PLCE1: variants seen among roughly 807,000 people sequenced by gnomAD.
PLCE1 encodes the protein 1-phosphatidylinositol 4,5-bisphosphate phosphodiesterase epsilon-1.
In PLCE1, 119 loss-of-function variants were observed where a neutral mutation model predicts 242.8. That is an observed-to-expected ratio of 0.49 (90% CI 0.42 to 0.57). PLCE1 has a LOEUF of 0.57. PLCE1 is among the 20% of genes least tolerant of loss of function. The pLI, the probability that PLCE1 is intolerant of heterozygous loss-of-function variation, is 0.00. For missense variants in PLCE1, 2,441 were observed against 2,788.8 expected, an observed-to-expected ratio of 0.88 and a Z score of 2.81; for synonymous variants, 945 against 1,017.4, an observed-to-expected ratio of 0.93 and a Z score of 1.35.
At chr10:94,133,943 C>A (rs1419730155) in intron 3 of PLCE1, among the ~76,000 whole-genome samples, 1 of 152,108 alleles carries the variant, frequency 6.6e-6, no homozygotes, top group African/African-American at 2.4e-5. Flanking sequence ...GAGTACCAAG[C>A]CTGCATTCTT....
chr10:94,181,993 A>C (rs1225431815), intron 4 of PLCE1, among the ~76,000 whole-genome samples: 4 of 152,216 alleles, frequency 2.6e-5, no homozygotes, highest in Non-Finnish European at 5.9e-5. Flanking sequence ...CCAATAGTTG[A>C]GAATCACTGC....
intron 8 of PLCE1, 138 bp downstream of exon 8, chr10:94,246,759 T>C: frequency 1.4e-6 from 1 of 710,434 alleles, no homozygotes. Flanking sequence ...TTACTTAACC[T>C]CTTGGTACCC....
rs1467074093 is a variant in PLCE1 at position 94,266,528 on chromosome 10, G to T, written c.4281+570G>T. Reference sequence around the variant, plus strand: ...GAAACTCAGTAGGTTCTCTAGACTAGAAAAAGTACATCCTTTTGACCTAAA... The same window carrying T: ...GAAACTCAGTAGGTTCTCTAGACTATAAAAAGTACATCCTTTTGACCTAAA... On this transcript the variant is annotated intron_variant, in intron 16 of 32. Coordinates refer to ENST00000371380, the MANE Select transcript of PLCE1 (RefSeq NM_016341.4). Among the ~76,000 whole-genome samples the T allele has an allele frequency of 2.0e-5, 3 of 152,182 alleles. No individual in the cohort carries two copies. In the South Asian group the frequency reaches 6.2e-4, roughly 32 times the overall value.
chr10:94,002,893 C>CT (rs2060958907), intron 1 of PLCE1, among the ~76,000 whole-genome samples: 1 of 152,160 alleles, frequency 6.6e-6, no homozygotes, highest in Non-Finnish European at 1.5e-5. Flanking sequence ...AGATTGTCAA[C>CT]TTTAACAAAT....
chr10:94,317,596 G>A (rs1400005098), intron 29 of PLCE1, among the ~76,000 whole-genome samples: 1 of 152,034 alleles, frequency 6.6e-6, no homozygotes, highest in Non-Finnish European at 1.5e-5. Context: ...ATAATATCTT[G>A]GCCTGAGTCA....
At position 94,141,374 on chromosome 10, in the gene PLCE1, A is replaced by T. The variant is rs74151065; in HGVS notation, c.1492+8915A>T. Among the ~76,000 whole-genome samples the T allele has an allele frequency of 3.9e-3, 596 of 152,258 alleles. 5 individuals are homozygous for T. Among genetic ancestry groups the T allele is most frequent in the African/African-American group, 0.014 (573 of 41,538 alleles). On this transcript the variant is annotated intron_variant, in intron 3 of 32. Transcript: ENST00000371380. ...CCATTTAATTCTCTTATGTGCCCTAATTTTGCTCCAAGAAACTAGCTTATG... is the reference window on the plus strand; with the variant it reads ...CCATTTAATTCTCTTATGTGCCCTATTTTTGCTCCAAGAAACTAGCTTATG...
At position 94,273,601 on chromosome 10, in the gene PLCE1, G is replaced by C; in HGVS notation, c.4546G>C (p.Glu1516Gln). Residue 1516 changes from glutamate to glutamine, a missense_variant, in exon 19 of 33, where the codon GAG (glutamate) becomes CAG (glutamine). This residue lies in a region of PLCE1 where 1,004 missense variants were observed against 1,322.7 expected (regional missense o/e 0.76). Coordinates refer to ENST00000371380, the MANE Select transcript of PLCE1 (RefSeq NM_016341.4). ...GEKLVTKFLF[E>Q]TDFSDDPMLP... ...AAAGCTGGTGACTAAATTCTTATTT[G>C]AGACTGATTTCTCAGATGATCCAAT... 6.2e-7 allele frequency: 1 copy of C among 1,613,858 alleles called. No homozygotes were observed. The highest frequency in any genetic ancestry group is 8.5e-7 in the Non-Finnish European group (1 of 1,179,818).
chr10:94,197,941 C>A (rs1362371469), intron 4 of PLCE1, among the ~76,000 whole-genome samples: 1 of 131,260 alleles, frequency 7.6e-6, no homozygotes, highest in Non-Finnish European at 1.5e-5. Context: ...CAAGATTGCA[C>A]CATTGCACTC....
chr10:94,288,862 TCAAA>T (rs1465990706), intron 22 of PLCE1, among the ~76,000 whole-genome samples: 6 of 152,180 alleles, frequency 3.9e-5, no homozygotes, highest in Non-Finnish European at 5.9e-5. Flanking sequence ...GCTTTGTTCA[TCAAA>T]CAGTGGTTTG....
At chr10:94,172,971 C>T (rs778344560) in intron 4 of PLCE1, among the ~76,000 whole-genome samples, 2 of 152,336 alleles carry the variant, frequency 1.3e-5, no homozygotes, top group East Asian at 1.9e-4. Context: ...TGAGCTCAAG[C>T]GGTTCTGTAT....
At chr10:94,231,416 T>C (rs2050139216) in intron 5 of PLCE1, among the ~76,000 whole-genome samples, 1 of 152,134 alleles carries the variant, frequency 6.6e-6, no homozygotes, top group Non-Finnish European at 1.5e-5. Flanking sequence ...ATAAAATGCT[T>C]TTACTTTTCT....
At chr10:94,078,892 G>A (rs1490307558) in intron 2 of PLCE1, among the ~76,000 whole-genome samples, 1 of 152,166 alleles carries the variant, frequency 6.6e-6, no homozygotes, top group East Asian at 1.9e-4. Context: ...CCTCTAGGAG[G>A]TAGTCTTTTT....
rs1564771875 is a variant in PLCE1 at position 94,189,862 on chromosome 10, T to G, written c.1809+18366T>G. ...GCCAAAGAGGTCAAGAGCATGTGCTTTAATTCATACACTCAAAGGTTCAAA... is the reference window on the plus strand; with the variant it reads ...GCCAAAGAGGTCAAGAGCATGTGCTGTAATTCATACACTCAAAGGTTCAAA... On this transcript the variant is annotated intron_variant, in intron 4 of 32. Transcript: ENST00000371380. Among the ~76,000 whole-genome samples the G allele has an allele frequency of 2.0e-5, 3 of 152,194 alleles. No individual in the cohort carries two copies. In the South Asian group the frequency reaches 6.2e-4, roughly 32 times the overall value.
Position 94,226,831 on chromosome 10 carries a change from C to CTTTTTT in PLCE1, c.1810-454_1810-449dup, listed in dbSNP as rs1177112312. Among the ~76,000 whole-genome samples, 63 of 101,794 alleles carry CTTTTTT rather than the reference C, an allele frequency of 6.2e-4. 8 individuals are homozygous for CTTTTTT. The highest frequency in any genetic ancestry group is 9.4e-4 in the Non-Finnish European group (48 of 50,852). 66.8% of individuals were successfully genotyped at this position (101,794 alleles called of 152,430 possible). ...TATAAGAGATTAAGGACCTATAGGT[C>CTTTTTT]TTTTTTTTTTTTTTTTTTTTTTTTT... On this transcript the variant is annotated intron_variant, in intron 4 of 32. Coordinates refer to ENST00000371380, the MANE Select transcript of PLCE1 (RefSeq NM_016341.4).
At chr10:94,130,200 T>C (rs541881235) in intron 2 of PLCE1, among the ~76,000 whole-genome samples, 1 of 152,336 alleles carries the variant, frequency 6.6e-6, no homozygotes, top group Non-Finnish European at 1.5e-5. Flanking sequence ...TCTTGAGATC[T>C]GCAGCTCTCT....
chr10:94,159,297 C>G (rs577472699), intron 3 of PLCE1, among the ~76,000 whole-genome samples: 5 of 152,250 alleles, frequency 3.3e-5, no homozygotes, highest in African/African-American at 9.6e-5. Context: ...GATTTTGTTA[C>G]TTTGAAAACC....
intron 30 of PLCE1, 115 bp from the exon 31 acceptor site, chr10:94,324,225 TGATCTGGAA>T (rs1430341039): frequency 1.0e-5 from 8 of 798,208 alleles, no homozygotes; most frequent in Non-Finnish European, 1.6e-5. Flanking sequence ...TTGGATGAAA[TGATCTGGAA>T]GATCCCCTTC....
rs770035869 is a variant in PLCE1 at position 94,298,542 on chromosome 10, C to T, written c.5331C>T (p.Thr1777=). The change falls in exon 24 of 33, where the codon ACC becomes ACT. Residue 1777 remains threonine, a synonymous_variant. Coordinates refer to ENST00000371380, the MANE Select transcript of PLCE1 (RefSeq NM_016341.4). The surrounding 1 kb of genome is among the most constrained non-coding windows in gnomAD (Gnocchi z 5.2). ...GTCGCAGGTATTCTCAGAAACTGAC[C>T]CAGCACACCGCCTGTCAGCTGCTGA... ...RLCRRYSQKL[T]QHTACQLLRT... The T allele has an allele frequency of 1.3e-5, 21 of 1,613,900 alleles. No individual in the cohort carries two copies. Among genetic ancestry groups the T allele is most frequent in the Non-Finnish European group, 1.7e-5 (20 of 1,180,014 alleles).
intron 1 of PLCE1, among the ~76,000 whole-genome samples, chr10:93,999,921 C>T (rs1276717733): frequency 6.6e-6 from 1 of 152,174 alleles, no homozygotes; most frequent in Non-Finnish European, 1.5e-5. Context: ...TGCCTTTTTC[C>T]TTTGATTATG....
Sources: gnomAD v4.1 joint callset for allele counts (sites outside exome capture counted in the v4.1 genomes callset) on GRCh38, gnomAD v4.1.1 for gene constraint, gnomAD v4.1.1 regional missense constraint, Gnocchi (gnomAD v3.1) non-coding constraint, MANE v1.5 for transcripts, NCBI Gene and HGNC (gene_info 2026-07-23, HGNC 2026-07-21) for gene names.